The following PAFAH1B1 variants were observed in gnomAD, a reference collection of about 807,000 sequenced individuals.
PAFAH1B1 encodes the protein platelet activating factor acetylhydrolase 1b regulatory subunit 1, also known as platelet-activating factor acetylhydrolase IB subunit beta.
In PAFAH1B1, 2 loss-of-function variants were observed where a neutral mutation model predicts 57.5. The observed-to-expected ratio is 0.03, with a 90% CI of 0.01 to 0.11. The LOEUF (loss-of-function observed/expected upper bound fraction) is 0.11. Among genes scored for constraint, PAFAH1B1 ranks in the 10% least tolerant of loss-of-function variants. PAFAH1B1 has a pLI of 1.00. For missense variants in PAFAH1B1, 257 were observed against 512.0 expected (o/e 0.50, Z 4.81); for synonymous variants, 152 against 169.6 (o/e 0.90, Z 0.81).
intron 2 of PAFAH1B1, among the ~76,000 whole-genome samples, chr17:2,661,406 TATTA>T (rs1298002936): frequency 3.3e-5 from 5 of 152,362 alleles, no homozygotes; most frequent in Middle Eastern, 6.8e-3. Context: ...GAGCACCATT[TATTA>T]ATTAAGGAAT....
At chr17:2,618,717 G>A (rs1021201841) in intron 1 of PAFAH1B1, among the ~76,000 whole-genome samples, 9 of 150,542 alleles carry the variant, frequency 6.0e-5, no homozygotes, top group African/African-American at 1.2e-4. Context: ...GCGTGATCTC[G>A]GCTCACTGCA....
rs2069115749 is a variant in PAFAH1B1 at position 2,667,088 on chromosome 17, C to T, written c.289C>T (p.Arg97Cys). The T allele has an allele frequency of 6.2e-7, 1 of 1,613,796 alleles. No homozygotes were observed. The highest frequency in any genetic ancestry group is 8.5e-7 in the Non-Finnish European group (1 of 1,179,756). ...QKRDPKEWIP[R>C]PPEKYALSGH... ...ACGAGACCCAAAAGAATGGATTCCC[C>T]GTCCGCCAGAAAAATATGCATTGAG... The change falls in exon 5 of 11, where the codon CGT becomes TGT. Residue 97 changes from arginine (R) to cysteine (C), a missense_variant. By Grantham distance (180) the Arg-to-Cys change is radical (BLOSUM62 -3). Transcript: ENST00000397195.
At chr17:2,677,856 A>AAAAT (rs10639352) in intron 9 of PAFAH1B1, among the ~76,000 whole-genome samples, 90,493 of 149,804 alleles carry the variant, frequency 0.6, 28,977 homozygotes, top group East Asian at 0.88. Context: ...TCCGCCTCAA[A>AAAAT]AAATAAATAA....
At chr17:2,631,582 G>A (rs1337376999) in intron 1 of PAFAH1B1, among the ~76,000 whole-genome samples, 3 of 152,180 alleles carry the variant, frequency 2.0e-5, no homozygotes, top group African/African-American at 7.2e-5. Flanking sequence ...CTCTAAGTTA[G>A]TCTGAAACTT....
chr17:2,680,462 A>G (rs1338402355), intron 10 of PAFAH1B1, 142 bp downstream of exon 10: 1 of 776,600 alleles, frequency 1.3e-6, no homozygotes, highest in Non-Finnish European at 2.3e-6. Context: ...AATCTTGTGG[A>G]TTCCTACCAT....
chr17:2,609,312 C>G (rs1028807817), intron 1 of PAFAH1B1, among the ~76,000 whole-genome samples: 1 of 149,262 alleles, frequency 6.7e-6, no homozygotes, highest in Non-Finnish European at 1.5e-5. Context: ...GCCCGGCTCC[C>G]GCTGCCTGCC....
At chr17:2,594,619 G>T (rs2068064467) in intron 1 of PAFAH1B1, among the ~76,000 whole-genome samples, 1 of 152,194 alleles carries the variant, frequency 6.6e-6, no homozygotes, top group Admixed American at 6.5e-5. Flanking sequence ...CCGGTGCGGC[G>T]GTCCAGCCTC....
In PAFAH1B1 at chr17:2,623,261, CTTTTTTTTT is replaced by C. The variant is rs376810275; in HGVS notation, c.-190-14824_-190-14816del. On this transcript the variant is annotated intron_variant, in intron 1 of 10. Coordinates refer to ENST00000397195, the MANE Select transcript of PAFAH1B1 (RefSeq NM_000430.4). Reference sequence around the variant, plus strand: ...TCCCCAGAAAATGGGTTTTTCCTTTCTTTTTTTTTTTTTTTTTTTTTTCCCTGAGAGGGA... The same window carrying C: ...TCCCCAGAAAATGGGTTTTTCCTTTCTTTTTTTTTTTTTCCCTGAGAGGGA... 3.0e-3 allele frequency among the ~76,000 whole-genome samples: 308 copies of C among 103,972 alleles called. 1 individual carries two copies. The highest frequency in any genetic ancestry group is 0.011 in the African/African-American group (284 of 25,858). The allele number at this position is 103,972 out of a possible 152,430, so 68.2% of individuals were successfully genotyped here. A position where few individuals can be genotyped will look rare whatever the true frequency, so the allele number is the denominator to read the frequency against.
rs937506865 is a variant in PAFAH1B1 at position 2,682,843 on chromosome 17, C to G, written c.*1041C>G. 2.0e-5 allele frequency: 3 copies of G among 152,586 alleles called. No homozygotes were observed. Among genetic ancestry groups the G allele is most frequent in the African/African-American group, 7.2e-5 (3 of 41,446 alleles). 9.5% of individuals were successfully genotyped at this position (152,586 alleles called of 1,614,324 possible). ...TCACTTACAAGTTTTAAAAAAATGA[C>G]AGGGTTTAATGGAGCGTGCATAAAA... On this transcript the variant is annotated 3_prime_UTR_variant, in exon 11 of 11. Coordinates refer to ENST00000397195, the MANE Select transcript of PAFAH1B1 (RefSeq NM_000430.4).
chr17:2,655,507 C>G (rs1284670348), intron 2 of PAFAH1B1, among the ~76,000 whole-genome samples: 1 of 152,088 alleles, frequency 6.6e-6, no homozygotes, highest in Non-Finnish European at 1.5e-5. Flanking sequence ...AAACATGTCT[C>G]CACTAAAAAT....
At chr17:2,621,234 C>A (rs1832185184) in intron 1 of PAFAH1B1, among the ~76,000 whole-genome samples, 2 of 152,166 alleles carry the variant, frequency 1.3e-5, no homozygotes. Context: ...CCATCCTTCA[C>A]CCTCCGAAAG....
chr17:2,672,301 A>AC (rs2069195376), intron 6 of PAFAH1B1, among the ~76,000 whole-genome samples: 1 of 151,672 alleles, frequency 6.6e-6, no homozygotes, highest in Non-Finnish European at 1.5e-5. Flanking sequence ...AAAAAAAAAA[A>AC]AAAAAAAAAA....
chr17:2,657,814 A>G (rs1164031742), intron 2 of PAFAH1B1, among the ~76,000 whole-genome samples: 4 of 152,116 alleles, frequency 2.6e-5, no homozygotes, highest in African/African-American at 9.7e-5. Flanking sequence ...ATATAACTTA[A>G]CCTTCTTTTA....
At chr17:2,659,646 CA>C (rs1343346367) in intron 2 of PAFAH1B1, among the ~76,000 whole-genome samples, 2 of 148,580 alleles carry the variant, frequency 1.3e-5, no homozygotes, top group African/African-American at 5.0e-5. Flanking sequence ...GCCTAGCCAA[CA>C]CAGTGAAACC....
chr17:2,606,388 G>A (rs567831334), intron 1 of PAFAH1B1, among the ~76,000 whole-genome samples: 34 of 151,724 alleles, frequency 2.2e-4, no homozygotes, highest in African/African-American at 6.8e-4. Context: ...TTTTGGAGAC[G>A]AAGTTTCACT....
At chr17:2,594,984 C>T (rs1172455611) in intron 1 of PAFAH1B1, among the ~76,000 whole-genome samples, 2 of 152,146 alleles carry the variant, frequency 1.3e-5, no homozygotes, top group East Asian at 1.9e-4. Flanking sequence ...ATATGTTATG[C>T]TACCTTTCTT....
At chr17:2,643,441 G>A (rs1195415324) in intron 2 of PAFAH1B1, among the ~76,000 whole-genome samples, 3 of 151,972 alleles carry the variant, frequency 2.0e-5, no homozygotes, top group African/African-American at 4.8e-5. Flanking sequence ...TTTTTCTTTA[G>A]TTTTTGTAGA....
chr17:2,602,251 GA>G (rs67749703), intron 1 of PAFAH1B1, among the ~76,000 whole-genome samples: 5 of 144,712 alleles, frequency 3.5e-5, no homozygotes, highest in South Asian at 2.2e-4. Context: ...TCCACCTACT[GA>G]AAAAAAAAAC....
Position 2,665,532 on chromosome 17 carries a change from C to A in PAFAH1B1, c.117+76C>A, listed in dbSNP as rs544296111. ...CTCAAGTATCTGTAGTTAACAGTTA[C>A]GCACAATTTTGTCATTTGTTATTGT... On this transcript the variant is annotated intron_variant, in intron 3 of 10. Coordinates refer to ENST00000397195, the MANE Select transcript of PAFAH1B1 (RefSeq NM_000430.4). The A allele has an allele frequency of 3.5e-6, 3 of 862,480 alleles. No individual in the cohort carries two copies. The Admixed American group carries it at 5.5e-5, about 16-fold the overall frequency. The allele number at this position is 862,480 out of a possible 1,614,324, so 53.4% of individuals were successfully genotyped here.
Sources: gnomAD v4.1 joint callset for allele counts (sites outside exome capture counted in the v4.1 genomes callset) on GRCh38, gnomAD v4.1.1 for gene constraint, MANE v1.5 for transcripts, NCBI Gene and HGNC (gene_info 2026-07-23, HGNC 2026-07-21) for gene names.